ZNF644: variants seen among roughly 807,000 people sequenced by gnomAD.
The protein encoded by ZNF644 is zinc finger protein 644.
ZNF644 carries 20 observed loss-of-function variants against 108.0 expected under a neutral mutation model. The observed-to-expected ratio is 0.19, with a 90% CI of 0.13 to 0.27. ZNF644 has a LOEUF of 0.27. Among genes scored for constraint, ZNF644 ranks in the 10% least tolerant of loss-of-function variants. ZNF644 has a pLI of 1.00. For synonymous variants in ZNF644, 542 were observed against 539.1 expected, an observed-to-expected ratio of 1.01 and a Z score of -0.08; for missense variants, 1,338 against 1,548.9, an observed-to-expected ratio of 0.86 and a Z score of 2.29.
chr1:90,965,291 A>G (rs1461002425), intron 2 of ZNF644, among the ~76,000 whole-genome samples: 2 of 152,000 alleles, frequency 1.3e-5, no homozygotes, highest in Non-Finnish European at 2.9e-5. Flanking sequence ...TCTGTTTCAG[A>G]TTTCTTCTTG....
intron 4 of ZNF644, among the ~76,000 whole-genome samples, chr1:90,926,548 C>T (rs1056010259): frequency 6.6e-6 from 1 of 151,594 alleles, no homozygotes; most frequent in African/African-American, 2.4e-5. Flanking sequence ...TAAGGTGATA[C>T]TTTGTTATAG....
In ZNF644 at chr1:90,975,870, C is replaced by T. The variant is rs184102272; in HGVS notation, c.44+6440G>A. Among the ~76,000 whole-genome samples the T allele has an allele frequency of 1.5e-3, 222 of 152,270 alleles. 2 individuals are homozygous for T. Among genetic ancestry groups the T allele is most frequent in the African/African-American group, 5.1e-3 (210 of 41,548 alleles). ...CCAGTCATTCATTATTTCTGAATCT[C>T]TTACCCTTAAGTGTAACATTAGAAT... is the stretch of plus-strand genomic sequence containing the variant. On this transcript the variant is annotated intron_variant, in intron 2 of 5. Transcript: ENST00000337393.
intron 1 of ZNF644, among the ~76,000 whole-genome samples, chr1:91,017,752 A>T (rs1016729456): frequency 6.6e-6 from 1 of 152,188 alleles, no homozygotes; most frequent in Non-Finnish European, 1.5e-5. Flanking sequence ...ACCTGAGGTC[A>T]GGAGTTCGAG....
intron 2 of ZNF644, among the ~76,000 whole-genome samples, chr1:90,976,990 CT>C (rs1308778492): frequency 6.6e-6 from 1 of 151,400 alleles, no homozygotes; most frequent in Admixed American, 6.6e-5. Context: ...TTTCTCAGCT[CT>C]TTTTTTCTGG....
chr1:90,991,029 TTAAATA>T (rs1657583526), intron 1 of ZNF644, among the ~76,000 whole-genome samples: 1 of 152,192 alleles, frequency 6.6e-6, no homozygotes, highest in African/African-American at 2.4e-5. Context: ...ACTGTATACT[TTAAATA>T]TGTGTACTTT....
At chr1:90,929,523 T>C (rs748393921) in intron 4 of ZNF644, among the ~76,000 whole-genome samples, 12 of 152,216 alleles carry the variant, frequency 7.9e-5, no homozygotes, top group Non-Finnish European at 1.3e-4. Flanking sequence ...TGAACCACTA[T>C]GAAAACATGC....
At chr1:90,994,167 G>A (rs1390113204) in intron 1 of ZNF644, among the ~76,000 whole-genome samples, 1 of 152,216 alleles carries the variant, frequency 6.6e-6, no homozygotes, top group Non-Finnish European at 1.5e-5. Flanking sequence ...TGAGAACGAT[G>A]TAGGTTAGAG....
chr1:90,942,201 A>T (rs1425851839), intron 2 of ZNF644, among the ~76,000 whole-genome samples: 5 of 152,228 alleles, frequency 3.3e-5, no homozygotes, highest in Non-Finnish European at 7.3e-5. Flanking sequence ...ATTTTACAAT[A>T]GAATAGCATA....
At chr1:90,962,935 G>A (rs544907921) in intron 2 of ZNF644, among the ~76,000 whole-genome samples, 2 of 152,110 alleles carry the variant, frequency 1.3e-5, no homozygotes, top group Admixed American at 6.6e-5. Context: ...AACAATAAGA[G>A]CAAACAATGA....
Position 90,938,804 on chromosome 1 carries a change from T to C in ZNF644, c.2550A>G (p.Lys850=), listed in dbSNP as rs751025340. Residue 850 remains lysine (K), a synonymous_variant, in exon 3 of 6, where the codon AAA becomes AAG. Coordinates refer to ENST00000337393, the MANE Select transcript of ZNF644 (RefSeq NM_201269.3). The surrounding 1 kb of genome is among the most constrained non-coding windows in gnomAD (Gnocchi z 4.2). ...VLQKLNSAEK[K]DSYETEDESS... is the part of the protein sequence containing the mutation. ...TTTCATCTTCTGTTTCATAACTATC[T>C]TTCTTTTCAGCAGAATTAAGTTTTT... 8.1e-6 allele frequency: 13 copies of C among 1,613,858 alleles called. 1 individual carries two copies. The South Asian group carries it at 1.4e-4, about 18-fold the overall frequency.
chr1:91,002,616 T>C (rs1400338006), intron 1 of ZNF644, among the ~76,000 whole-genome samples: 1 of 152,178 alleles, frequency 6.6e-6, no homozygotes, highest in Non-Finnish European at 1.5e-5. Flanking sequence ...GACACAGGCA[T>C]GGGTAAAGAC....
chr1:90,940,270 G>A lies in ZNF644; in HGVS notation c.1084C>T (p.His362Tyr), dbSNP rs1651812617. 1.9e-6 allele frequency: 3 copies of A among 1,613,992 alleles called. No homozygotes were observed. The East Asian group carries it at 6.7e-5, about 36-fold the overall frequency. ...CACTTATCTGGGTTATAAATTAGAT[G>A]TTGGAAGGCATCCACAGATTCTAAG... is the stretch of plus-strand genomic sequence containing the variant. Reference protein sequence around the residue: ...EDLESVDAFQHLIYNPDKCGE... With the variant: ...EDLESVDAFQYLIYNPDKCGE... The change falls in exon 3 of 6, where the codon CAT becomes TAT. Residue 362 changes from histidine to tyrosine, a missense_variant. By Grantham distance (83) the His-to-Tyr change is moderately conservative (BLOSUM62 2). Transcript: ENST00000337393.
Position 90,940,768 on chromosome 1 carries a change from T to C in ZNF644, c.586A>G (p.Thr196Ala), listed in dbSNP as rs1422915521. The C allele has an allele frequency of 4.3e-6, 7 of 1,613,796 alleles. No individual in the cohort carries two copies. Among genetic ancestry groups the C allele is most frequent in the Non-Finnish European group, 5.9e-6 (7 of 1,179,962 alleles). Residue 196 changes from threonine to alanine, a missense_variant, in exon 3 of 6, where the codon ACC (threonine) becomes GCC (alanine). Thr to Ala is a moderately conservative substitution (Grantham distance 58, BLOSUM62 0). Around this residue, in one of 6 missense-constraint regions of ZNF644, gnomAD observed 464 missense variants for 457.9 expected, o/e 1.01. Transcript: ENST00000337393. ...NPTHSNKKLP[T>A]SASVGCDIQN... ...ATGTCACAACCAACTGAAGCAGAGG[T>C]AGGTAGTTTTTTATTGGAATGGGTG...
chr1:90,960,791 G>A (rs972465587), intron 2 of ZNF644, among the ~76,000 whole-genome samples: 26 of 152,086 alleles, frequency 1.7e-4, no homozygotes, highest in Admixed American at 6.6e-5. Context: ...TCAACTACAG[G>A]TGTTCTTGCT....
At chr1:90,931,536 T>A (rs1650727853) in intron 4 of ZNF644, among the ~76,000 whole-genome samples, 1 of 152,158 alleles carries the variant, frequency 6.6e-6, no homozygotes, top group Admixed American at 6.5e-5. Flanking sequence ...AACAGCTTCA[T>A]AAATTATCTA....
chr1:90,939,337 T>C lies in ZNF644; in HGVS notation c.2017A>G (p.Ser673Gly), dbSNP rs748448196. 1 of 1,614,098 alleles carries C rather than the reference T, an allele frequency of 6.2e-7. No individual in the cohort carries two copies. The highest frequency in any genetic ancestry group is 8.5e-7 in the Non-Finnish European group (1 of 1,179,954). ...GGCCGCTTATGAATTTTTGAAAAACTACTTGATTGTGAGGTTGATCCAAAT... is the reference window on the plus strand; with the variant it reads ...GGCCGCTTATGAATTTTTGAAAAACCACTTGATTGTGAGGTTGATCCAAAT... ...RTFGSTSQSS[S>G]FSKIHKRPHR... The change falls in exon 3 of 6, where the codon AGT becomes GGT. Residue 673 changes from serine (S) to glycine (G), a missense_variant. Around this residue, in one of 6 missense-constraint regions of ZNF644, gnomAD observed 462 missense variants for 472.6 expected, o/e 0.98. Coordinates refer to ENST00000337393, the MANE Select transcript of ZNF644 (RefSeq NM_201269.3).
chr1:90,983,598 T>C (rs1199152867), intron 1 of ZNF644, among the ~76,000 whole-genome samples: 2 of 151,914 alleles, frequency 1.3e-5, no homozygotes, highest in Non-Finnish European at 2.9e-5. Flanking sequence ...CATGTATCCT[T>C]ATAAGAACGA....
At chr1:90,948,110 T>C (rs1161823623) in intron 2 of ZNF644, among the ~76,000 whole-genome samples, 1 of 152,120 alleles carries the variant, frequency 6.6e-6, no homozygotes, top group Non-Finnish European at 1.5e-5. Flanking sequence ...AATTTCACCA[T>C]TCAAAAAACT....
chr1:91,008,764 A>T (rs1659674020), intron 1 of ZNF644, among the ~76,000 whole-genome samples: 1 of 152,196 alleles, frequency 6.6e-6, no homozygotes, highest in Admixed American at 6.5e-5. Context: ...CACATTCCCA[A>T]AAACCTCACT....
Sources: gnomAD v4.1 joint callset for allele counts (sites outside exome capture counted in the v4.1 genomes callset) on GRCh38, gnomAD v4.1.1 for gene constraint, gnomAD v4.1.1 regional missense constraint, Gnocchi (gnomAD v3.1) non-coding constraint, MANE v1.5 for transcripts, NCBI Gene and HGNC (gene_info 2026-07-23, HGNC 2026-07-21) for gene names.